RSU1: variants seen among roughly 807,000 people sequenced by gnomAD.
The protein encoded by RSU1 is Ras suppressor protein 1.
Under a neutral mutation model 31.1 loss-of-function variants are expected in RSU1, and 26 were observed. That is an observed-to-expected ratio of 0.84 (90% CI 0.61 to 1.16). The LOEUF (loss-of-function observed/expected upper bound fraction) is 1.16, where lower values mean the gene tolerates loss of function less well. Among genes scored for constraint, RSU1 ranks in the 50% most tolerant of loss-of-function variants. The pLI is 0.00. For synonymous variants in RSU1, 164 were observed against 136.3 expected, an observed-to-expected ratio of 1.20 and a Z score of -1.41; for missense variants, 320 against 339.1, an observed-to-expected ratio of 0.94 and a Z score of 0.44.
intron 8 of RSU1, among the ~76,000 whole-genome samples, chr10:16,643,261 C>T (rs542994493): frequency 6.6e-6 from 1 of 152,246 alleles, no homozygotes; most frequent in South Asian, 2.1e-4. Flanking sequence ...GTTACTGAGA[C>T]ATGAAATACC....
At chr10:16,806,193 T>C (rs1838263786) in intron 2 of RSU1, among the ~76,000 whole-genome samples, 1 of 152,230 alleles carries the variant, frequency 6.6e-6, no homozygotes, top group African/African-American at 2.4e-5. Flanking sequence ...ATAGGTAGTG[T>C]CCCTGAATGC....
chr10:16,690,910 A>G (rs551972130), intron 8 of RSU1, among the ~76,000 whole-genome samples: 4 of 152,318 alleles, frequency 2.6e-5, no homozygotes, highest in South Asian at 2.1e-4. Context: ...TAGTTTAAAG[A>G]TAGACAAATA....
Position 16,695,148 on chromosome 10 carries a change from CAAGTTTCCTGGGGGGGGGGA to C in RSU1, c.599-13_605del. 6.5e-7 allele frequency: 1 copy of C among 1,530,986 alleles called. No individual in the cohort carries two copies. Among genetic ancestry groups the C allele is most frequent in the Non-Finnish European group, 8.8e-7 (1 of 1,142,682 alleles). 94.8% of individuals were successfully genotyped at this position (1,530,986 alleles called of 1,614,324 possible). ...ATACCTGCTTCTGGCCAGTTAAATC[CAAGTTTCCTGGGGGGGGGGA>C]AAAAAAAAGTGAAGGTCACTTCATC... On this transcript the variant is annotated splice_acceptor_variant and splice_polypyrimidine_tract_variant and coding_sequence_variant and intron_variant, in exon 8 of 9. Transcript: ENST00000345264. LOFTEE classifies it high-confidence loss of function.
intron 7 of RSU1, among the ~76,000 whole-genome samples, chr10:16,722,750 C>G (rs1169032024): frequency 6.6e-6 from 1 of 151,692 alleles, no homozygotes; most frequent in Non-Finnish European, 1.5e-5. Context: ...TTATATAACT[C>G]AAACTACATA....
chr10:16,649,463 AGAC>A (rs1834639859), intron 8 of RSU1, among the ~76,000 whole-genome samples: 1 of 152,238 alleles, frequency 6.6e-6, no homozygotes, highest in Non-Finnish European at 1.5e-5. Context: ...ACTCGAAATC[AGAC>A]TACTAAAAAA....
chr10:16,653,198 CAT>C (rs1030668026), intron 8 of RSU1, among the ~76,000 whole-genome samples: 2 of 152,202 alleles, frequency 1.3e-5, no homozygotes, highest in African/African-American at 2.4e-5. Context: ...GTAACTCCGA[CAT>C]ATGTTACCTA....
intron 8 of RSU1, among the ~76,000 whole-genome samples, chr10:16,609,978 G>A (rs890289867): frequency 1.2e-4 from 18 of 152,048 alleles, no homozygotes; most frequent in African/African-American, 4.1e-4. Context: ...TCTCATAGCT[G>A]CATTATAAAA....
chr10:16,813,541 C>T (rs1838457456), intron 2 of RSU1, among the ~76,000 whole-genome samples: 2 of 152,162 alleles, frequency 1.3e-5, no homozygotes. Flanking sequence ...ATTTAATGTG[C>T]ATTATTGCAT....
At chr10:16,598,339 G>A (rs916725489) in intron 8 of RSU1, among the ~76,000 whole-genome samples, 7 of 151,882 alleles carry the variant, frequency 4.6e-5, no homozygotes, top group South Asian at 2.1e-4. Context: ...AGGCGTTCAC[G>A]ACCAGCCTGG....
rs1357723163 is a variant in RSU1, at chr10:16,795,833, A to G, written c.110-13749T>C. On this transcript the variant is annotated intron_variant, in intron 2 of 8. Coordinates refer to ENST00000345264, the MANE Select transcript of RSU1 (RefSeq NM_012425.4). ...ATTGGGTGTATCTTCAACCCCCCGG[A>G]CCCCTAAACAAGCCGCCCAGGTGAG... is the stretch of plus-strand genomic sequence containing the variant. 3.3e-5 allele frequency among the ~76,000 whole-genome samples: 5 copies of G among 151,998 alleles called. No individual in the cohort carries two copies. In the East Asian group the frequency reaches 7.7e-4, roughly 23 times the overall value.
chr10:16,703,208 C>G (rs1323219291), intron 7 of RSU1, among the ~76,000 whole-genome samples: 1 of 152,102 alleles, frequency 6.6e-6, no homozygotes. Context: ...GAACTCTGAG[C>G]CAATTAAACC....
At chr10:16,595,247 A>G (rs921274140) in intron 8 of RSU1, among the ~76,000 whole-genome samples, 1 of 152,224 alleles carries the variant, frequency 6.6e-6, no homozygotes, top group Non-Finnish European at 1.5e-5. Flanking sequence ...CATCTCCACC[A>G]TGGCTGACAG....
At chr10:16,672,923 C>A (rs1440689364) in intron 8 of RSU1, among the ~76,000 whole-genome samples, 1 of 152,188 alleles carries the variant, frequency 6.6e-6, no homozygotes, top group African/African-American at 2.4e-5. Flanking sequence ...AAAAACAAAT[C>A]TATCTGGCCC....
Position 16,765,396 on chromosome 10 carries a change from T to C in RSU1, c.161-886A>G, listed in dbSNP as rs1280257656. Among the ~76,000 whole-genome samples, 3 of 152,166 alleles carry C rather than the reference T, an allele frequency of 2.0e-5. No individual in the cohort carries two copies. The East Asian group carries it at 5.8e-4, about 29-fold the overall frequency. On this transcript the variant is annotated intron_variant, in intron 3 of 8. Transcript: ENST00000345264. ...TTACATCAGATTAGCAAGAGATCGA[T>C]ACACTGTTATTATATAGAAATACAA...
intron 2 of RSU1, among the ~76,000 whole-genome samples, chr10:16,807,562 G>A (rs1838299753): frequency 6.6e-6 from 1 of 152,136 alleles, no homozygotes; most frequent in Non-Finnish European, 1.5e-5. Flanking sequence ...TAGTTTTTCA[G>A]GAAACCATAA....
At chr10:16,694,994 A>G (rs776315738) in intron 8 of RSU1, 29 bp downstream of exon 8, 2 of 1,587,782 alleles carry the variant, frequency 1.3e-6, no homozygotes, top group East Asian at 2.2e-5. Flanking sequence ...ATCACAGTCT[A>G]CTATTTCAGA....
intron 7 of RSU1, among the ~76,000 whole-genome samples, chr10:16,701,727 G>A (rs1008023760): frequency 6.6e-6 from 1 of 152,140 alleles, no homozygotes; most frequent in African/African-American, 2.4e-5. Flanking sequence ...AAGAGGCCCA[G>A]AAGTCCTTAT....
At chr10:16,780,000 G>GA (rs200301164) in intron 3 of RSU1, among the ~76,000 whole-genome samples, 91 of 149,986 alleles carry the variant, frequency 6.1e-4, no homozygotes, top group Non-Finnish European at 8.3e-4. Context: ...TGAAGAAAAG[G>GA]AAAAAAAAAC....
intron 8 of RSU1, among the ~76,000 whole-genome samples, chr10:16,663,195 A>AT (rs1368028854): frequency 6.6e-6 from 1 of 151,792 alleles, no homozygotes; most frequent in Non-Finnish European, 1.5e-5. Flanking sequence ...GTTCTGAAAA[A>AT]TTTTTTCAAG....
Sources: gnomAD v4.1 joint callset for allele counts (sites outside exome capture counted in the v4.1 genomes callset) on GRCh38, gnomAD v4.1.1 for gene constraint, MANE v1.5 for transcripts, NCBI Gene and HGNC (gene_info 2026-07-23, HGNC 2026-07-21) for gene names.